BDNF: variants seen among roughly 807,000 people sequenced by gnomAD.
BDNF encodes the protein neurotrophic factor BDNF precursor form.
A neutral mutation model predicts 19.5 loss-of-function variants in BDNF; 1 was observed. That is an observed-to-expected ratio of 0.05 (90% CI 0.02 to 0.24). The LOEUF is 0.24. Among genes scored for constraint, BDNF ranks in the 10% least tolerant of loss-of-function variants. BDNF has a pLI of 1.00. For synonymous variants in BDNF, 100 were observed against 121.6 expected (o/e 0.82, Z 1.17); for missense variants, 195 against 317.6 (o/e 0.61, Z 2.93).
intron 1 of BDNF, among the ~76,000 whole-genome samples, chr11:27,708,007 G>T (rs1860177917): frequency 6.6e-6 from 1 of 152,302 alleles, no homozygotes; most frequent in African/African-American, 2.4e-5. Context: ...TTAGAAAAAT[G>T]AAGACCAACA....
chr11:27,659,670 C>T (rs1384929304), intron 1 of BDNF: 2 of 998,378 alleles, frequency 2.0e-6, no homozygotes, highest in East Asian at 1.1e-4. Context: ...TGTGCGCGCG[C>T]TCTGAGTTTA....
chr11:27,707,881 G>A (rs901770251), intron 1 of BDNF, among the ~76,000 whole-genome samples: 2 of 151,982 alleles, frequency 1.3e-5, no homozygotes, highest in African/African-American at 2.4e-5. Context: ...GGTACTATAC[G>A]GCTAGATATC....
At chr11:27,699,036 C>G (rs1443820401) in intron 1 of BDNF, among the ~76,000 whole-genome samples, 2 of 152,102 alleles carry the variant, frequency 1.3e-5, no homozygotes, top group African/African-American at 4.8e-5. Flanking sequence ...ACAAGTCCCT[C>G]CTACCAGCTC....
chr11:27,704,356 A>C (rs1195169767), upstream of BDNF, among the ~76,000 whole-genome samples: 1 of 152,202 alleles, frequency 6.6e-6, no homozygotes, highest in African/African-American at 2.4e-5. Flanking sequence ...TTGAATTCCC[A>C]TCTATTCTTG....
At chr11:27,696,890 G>A (rs968368959) in intron 1 of BDNF, among the ~76,000 whole-genome samples, 1 of 152,128 alleles carries the variant, frequency 6.6e-6, no homozygotes, top group Non-Finnish European at 1.5e-5. Flanking sequence ...AAGATATTCA[G>A]AGTTTAGCTA....
chr11:27,694,937 A>G (rs999974721), intron 1 of BDNF, among the ~76,000 whole-genome samples: 3 of 152,238 alleles, frequency 2.0e-5, no homozygotes, highest in African/African-American at 7.2e-5. Context: ...AATGTTAAAA[A>G]GGATGCTAGC....
At chr11:27,711,385 C>A (rs1860322326) in intron 1 of BDNF, among the ~76,000 whole-genome samples, 1 of 152,070 alleles carries the variant, frequency 6.6e-6, no homozygotes, top group Non-Finnish European at 1.5e-5. Context: ...GGGTAGGTGA[C>A]AATTAGCTAT....
intron 1 of BDNF, among the ~76,000 whole-genome samples, chr11:27,684,161 G>A (rs1416510125): frequency 6.6e-6 from 1 of 152,082 alleles, no homozygotes; most frequent in Non-Finnish European, 1.5e-5. Flanking sequence ...TATTCTCTTT[G>A]TAGCAATTGT....
intron 1 of BDNF, among the ~76,000 whole-genome samples, chr11:27,712,730 G>A (rs78475943): frequency 6.6e-6 from 1 of 151,780 alleles, no homozygotes; most frequent in Non-Finnish European, 1.5e-5. Context: ...GGCCAGGCTG[G>A]TCTGGAACTC....
rs1384115843 is a variant in BDNF, at chr11:27,657,667, ATAGATTG to A, written c.*147_*153del. The stretch of plus-strand genomic sequence containing the variant: ...TTCTGGTCATGGACATGTCCAATAA[ATAGATTG>A]TAGAACCACTGTACTGTATAAACTT... On this transcript the variant is annotated 3_prime_UTR_variant, in exon 2 of 2. Coordinates refer to ENST00000356660, the MANE Select transcript of BDNF (RefSeq NM_001709.5). The surrounding 1 kb of genome is among the most constrained non-coding windows in gnomAD (Gnocchi z 5.0). The A allele has an allele frequency of 1.4e-6, 2 of 1,444,704 alleles. No individual in the cohort carries two copies. The highest frequency in any genetic ancestry group is 2.9e-5 in the African/African-American group (2 of 69,930). 89.5% of individuals were successfully genotyped at this position (1,444,704 alleles called of 1,614,324 possible). A position where few individuals can be genotyped will look rare whatever the true frequency, so the allele number is the denominator to read the frequency against.
intron 1 of BDNF, among the ~76,000 whole-genome samples, chr11:27,679,402 T>C (rs1210875931): frequency 6.6e-6 from 1 of 152,210 alleles, no homozygotes; most frequent in Non-Finnish European, 1.5e-5. Context: ...TATGAATTAG[T>C]CATTTATTCA....
Position 27,658,810 on chromosome 11 carries a change from G to C in BDNF, c.-21-225C>G. The C allele has an allele frequency of 7.0e-7, 1 of 1,423,418 alleles. No individual in the cohort carries two copies. The highest frequency in any genetic ancestry group is 9.2e-7 in the Non-Finnish European group (1 of 1,085,370). 88.2% of individuals were successfully genotyped at this position (1,423,418 alleles called of 1,614,324 possible). On this transcript the variant is annotated intron_variant, in intron 1 of 1. Coordinates refer to ENST00000356660, the MANE Select transcript of BDNF (RefSeq NM_001709.5). The surrounding 1 kb of genome is among the most constrained non-coding windows in gnomAD (Gnocchi z 5.7). ...CATGCAGTGTTTCCCCCAAGATCTA[G>C]CATATAAACCTGAGATTAGATGGCT...
chr11:27,690,394 C>G (rs1321210203), intron 1 of BDNF, among the ~76,000 whole-genome samples: 1 of 152,030 alleles, frequency 6.6e-6, no homozygotes, highest in African/African-American at 2.4e-5. Flanking sequence ...AAAGTGGGAC[C>G]TATTCCGACT....
At chr11:27,676,374 G>A (rs1350319380) in intron 1 of BDNF, among the ~76,000 whole-genome samples, 1 of 151,934 alleles carries the variant, frequency 6.6e-6, no homozygotes, top group East Asian at 1.9e-4. Context: ...CACTGTGCCC[G>A]GCTCCATTTA....
intron 1 of BDNF, among the ~76,000 whole-genome samples, chr11:27,673,345 C>T (rs1289303404): frequency 6.6e-6 from 1 of 151,990 alleles, no homozygotes; most frequent in Non-Finnish European, 1.5e-5. Context: ...AAGGGAATCC[C>T]CCTTTAAGAA....
chr11:27,659,057 G>T, intron 1 of BDNF: 1 of 1,033,364 alleles, frequency 9.7e-7, no homozygotes, highest in Non-Finnish European at 1.2e-6. Flanking sequence ...TGGCCTGAGG[G>T]GTCTGATGGG....
chr11:27,667,135 T>C (rs1407813330), intron 1 of BDNF, among the ~76,000 whole-genome samples: 5 of 152,118 alleles, frequency 3.3e-5, no homozygotes, highest in Non-Finnish European at 5.9e-5. Flanking sequence ...AGAAAAGAAT[T>C]TTCAACCCAG....
At chr11:27,709,659 C>A (rs1333595772) in intron 1 of BDNF, among the ~76,000 whole-genome samples, 1 of 152,110 alleles carries the variant, frequency 6.6e-6, no homozygotes, top group Non-Finnish European at 1.5e-5. Context: ...CAGTTTCTGG[C>A]CATGTAACCT....
At chr11:27,698,728 T>G (rs1194836506) in intron 1 of BDNF, among the ~76,000 whole-genome samples, 1 of 152,134 alleles carries the variant, frequency 6.6e-6, no homozygotes, top group East Asian at 1.9e-4. Context: ...TTTAAAAGAT[T>G]ACTAGGAGGA....
Sources: gnomAD v4.1 joint callset for allele counts (sites outside exome capture counted in the v4.1 genomes callset) on GRCh38, gnomAD v4.1.1 for gene constraint, Gnocchi (gnomAD v3.1) non-coding constraint, MANE v1.5 for transcripts, NCBI Gene and HGNC (gene_info 2026-07-23, HGNC 2026-07-21) for gene names.